FHIT: variants seen among roughly 807,000 people sequenced by gnomAD.
The protein encoded by FHIT is bis(5'-adenosyl)-triphosphatase.
Under a neutral mutation model 17.9 loss-of-function variants are expected in FHIT, and 19 were observed. The observed-to-expected ratio is 1.06, with a 90% CI of 0.74 to 1.56. The LOEUF (loss-of-function observed/expected upper bound fraction) is 1.56, where lower values mean the gene tolerates loss of function less well. Among genes scored for constraint, FHIT ranks in the 40% most tolerant of loss-of-function variants. The probability of loss-of-function intolerance (pLI) is 0.00; values close to 1 mark genes in which losing one functional copy is unlikely to be tolerated. For missense variants in FHIT, 248 were observed against 189.2 expected (o/e 1.31, Z -1.82); for synonymous variants, 81 against 69.7 (o/e 1.16, Z -0.81).
chr3:61,198,040 T>C (rs1433427900), intron 2 of FHIT, among the ~76,000 whole-genome samples: 4 of 152,070 alleles, frequency 2.6e-5, no homozygotes, highest in African/African-American at 2.4e-5. Flanking sequence ...TTACACATGA[T>C]GAAAGAAAGT....
chr3:59,986,498 AAT>A lies in FHIT; in HGVS notation c.279+24871_279+24872del, dbSNP rs74199531. On this transcript the variant is annotated intron_variant, in intron 7 of 9. Transcript: ENST00000492590. Reference sequence around the variant, plus strand: ...CTCTGGGTATGAGAAAGTAGTCCAAAATATATATATATATATATATATATATA... The same window carrying A: ...CTCTGGGTATGAGAAAGTAGTCCAAAATATATATATATATATATATATATA... Among the ~76,000 whole-genome samples the A allele has an allele frequency of 2.2e-3, 137 of 62,318 alleles. 3 individuals are homozygous for A. Among genetic ancestry groups the A allele is most frequent in the African/African-American group, 8.9e-3 (126 of 14,174 alleles). The allele number at this position is 62,318 out of a possible 152,430, so 40.9% of individuals were successfully genotyped here.
intron 4 of FHIT, among the ~76,000 whole-genome samples, chr3:60,615,482 G>A (rs1173587427): frequency 6.6e-6 from 1 of 152,140 alleles, no homozygotes; most frequent in Non-Finnish European, 1.5e-5. Flanking sequence ...GCAGTAAAAA[G>A]GCCTTAATAA....
intron 8 of FHIT, among the ~76,000 whole-genome samples, chr3:59,854,783 T>C (rs2106810603): frequency 6.7e-6 from 1 of 148,416 alleles, no homozygotes; most frequent in South Asian, 2.3e-4. Flanking sequence ...CCTCTCTAAA[T>C]AACTTTCTCA....
chr3:61,098,014 A>C (rs1358387104), intron 2 of FHIT, among the ~76,000 whole-genome samples: 1 of 152,122 alleles, frequency 6.6e-6, no homozygotes, highest in Non-Finnish European at 1.5e-5. Flanking sequence ...TTTGTCATTA[A>C]ATCTTTGCCT....
At chr3:60,763,015 T>A (rs1699713591) in intron 4 of FHIT, among the ~76,000 whole-genome samples, 1 of 152,166 alleles carries the variant, frequency 6.6e-6, no homozygotes, top group Non-Finnish European at 1.5e-5. Context: ...TAACTGGGTT[T>A]CTGTTCACTG....
intron 4 of FHIT, among the ~76,000 whole-genome samples, chr3:60,695,979 C>T (rs1322198029): frequency 2.6e-5 from 4 of 152,046 alleles, no homozygotes; most frequent in Non-Finnish European, 5.9e-5. Context: ...GGGCTTTGTA[C>T]GGAGGAATGG....
At chr3:60,904,948 A>G (rs1706325490) in intron 3 of FHIT, among the ~76,000 whole-genome samples, 1 of 151,874 alleles carries the variant, frequency 6.6e-6, no homozygotes, top group African/African-American at 2.4e-5. Context: ...AAAAAAAAAA[A>G]AAAAAAAATT....
intron 4 of FHIT, among the ~76,000 whole-genome samples, chr3:60,609,061 C>G (rs2038699285): frequency 1.3e-5 from 2 of 151,448 alleles, no homozygotes; most frequent in Admixed American, 1.3e-4. Context: ...CTGGAGACTT[C>G]TGGTAGATTT....
At chr3:59,884,701 T>C (rs1437425927) in intron 8 of FHIT, among the ~76,000 whole-genome samples, 4 of 152,168 alleles carry the variant, frequency 2.6e-5, no homozygotes, top group Non-Finnish European at 5.9e-5. Context: ...AGTCACGCTA[T>C]GGGACAGTAG....
intron 8 of FHIT, among the ~76,000 whole-genome samples, chr3:59,817,124 G>T (rs1369521755): frequency 5.3e-5 from 8 of 152,146 alleles, no homozygotes; most frequent in African/African-American, 1.9e-4. Flanking sequence ...TGGTGTTTTT[G>T]CATTAAGTTT....
At chr3:59,940,556 G>T (rs190551330) in intron 7 of FHIT, among the ~76,000 whole-genome samples, 1 of 152,120 alleles carries the variant, frequency 6.6e-6, no homozygotes, top group Admixed American at 6.5e-5. Flanking sequence ...GGCAGAGAAC[G>T]AGGGTTTCTC....
chr3:60,694,335 A>G (rs1243950889), intron 4 of FHIT, among the ~76,000 whole-genome samples: 4 of 152,212 alleles, frequency 2.6e-5, no homozygotes, highest in Non-Finnish European at 5.9e-5. Flanking sequence ...GAAAACAATC[A>G]GAGAAATGCA....
At chr3:59,884,141 C>CT (rs1703522603) in intron 8 of FHIT, among the ~76,000 whole-genome samples, 1 of 152,122 alleles carries the variant, frequency 6.6e-6, no homozygotes, top group Non-Finnish European at 1.5e-5. Context: ...CAAATCATGG[C>CT]TGAATCACAA....
At chr3:60,154,441 T>C (rs917464518) in intron 5 of FHIT, among the ~76,000 whole-genome samples, 1 of 152,160 alleles carries the variant, frequency 6.6e-6, no homozygotes, top group African/African-American at 2.4e-5. Context: ...AATCAACATA[T>C]AGAAGCTAGA....
At chr3:61,116,834 A>G (rs1340959176) in intron 2 of FHIT, among the ~76,000 whole-genome samples, 1 of 152,200 alleles carries the variant, frequency 6.6e-6, no homozygotes, top group East Asian at 1.9e-4. Context: ...AATCAAGAAC[A>G]ATACTGAAAA....
chr3:60,344,078 C>A (rs1710657780), intron 5 of FHIT, among the ~76,000 whole-genome samples: 1 of 152,140 alleles, frequency 6.6e-6, no homozygotes, highest in African/African-American at 2.4e-5. Flanking sequence ...TAACAGGTTG[C>A]CAACTTTAAA....
intron 7 of FHIT, among the ~76,000 whole-genome samples, chr3:59,923,376 C>T (rs1227596603): frequency 1.3e-5 from 2 of 152,094 alleles, no homozygotes; most frequent in Admixed American, 1.3e-4. Flanking sequence ...GCTTTGGCTC[C>T]TGTGTTTCAT....
intron 4 of FHIT, among the ~76,000 whole-genome samples, chr3:60,562,188 T>A (rs1352924996): frequency 6.6e-6 from 1 of 152,224 alleles, no homozygotes; most frequent in Non-Finnish European, 1.5e-5. Flanking sequence ...ATAATTAATC[T>A]ATATTACTTT....
chr3:60,911,301 A>G (rs575874452), intron 3 of FHIT, among the ~76,000 whole-genome samples: 1 of 152,206 alleles, frequency 6.6e-6, no homozygotes, highest in South Asian at 2.1e-4. Context: ...TTTACCAAAC[A>G]TGGATTTTTA....
Sources: allele counts gnomAD v4.1 joint callset (sites outside exome capture counted in the v4.1 genomes callset), GRCh38; gene constraint gnomAD v4.1.1; transcripts MANE v1.5; gene names NCBI Gene and HGNC (gene_info 2026-07-23, HGNC 2026-07-21).